Variants in MAK observed in about 807,000 individuals in gnomAD.
The protein encoded by MAK is serine/threonine-protein kinase MAK.
MAK carries 65 observed loss-of-function variants against 82.6 expected under a neutral mutation model. The ratio of observed to expected loss-of-function variants is 0.79; its 90% CI spans 0.64 to 0.97. MAK has a LOEUF of 0.97. MAK is among the 50% of genes least tolerant of loss of function. The probability of loss-of-function intolerance (pLI) is 0.00; values close to 1 mark genes in which losing one functional copy is unlikely to be tolerated. For synonymous variants in MAK, 250 were observed against 274.2 expected, an observed-to-expected ratio of 0.91 and a Z score of 0.87; for missense variants, 703 against 780.2, an observed-to-expected ratio of 0.90 and a Z score of 1.18.
At chr6:10,824,478 C>G (rs1173016770) in intron 2 of MAK, among the ~76,000 whole-genome samples, 1 of 152,116 alleles carries the variant, frequency 6.6e-6, no homozygotes, top group Non-Finnish European at 1.5e-5. Context: ...AGCCTTTCAC[C>G]CACTACACTC....
At chr6:10,824,217 T>C (rs1473709637) in intron 2 of MAK, among the ~76,000 whole-genome samples, 2 of 152,206 alleles carry the variant, frequency 1.3e-5, no homozygotes, top group East Asian at 3.9e-4. Context: ...GGCTTCACAG[T>C]TGCTTAACTC....
rs1178808541 is a variant in MAK, at chr6:10,830,669, G to C, written c.-21C>G. On this transcript the variant is annotated 5_prime_UTR_variant, in exon 2 of 15. Transcript: ENST00000354489. ...TTCATCTTGGAAAAATAATGCAGCA[G>C]AAGTTGTTGATTGAAATGACTTCCT... 3 of 1,569,004 alleles carry C rather than the reference G, an allele frequency of 1.9e-6. No individual in the cohort carries two copies. Among genetic ancestry groups the C allele is most frequent in the Non-Finnish European group, 2.6e-6 (3 of 1,138,970 alleles).
intron 4 of MAK, among the ~76,000 whole-genome samples, chr6:10,814,036 C>A (rs1427826380): frequency 6.6e-6 from 1 of 151,844 alleles, no homozygotes; most frequent in Non-Finnish European, 1.5e-5. Context: ...GTGGCGCAAT[C>A]TCGGCTCACT....
At chr6:10,775,229 T>C in intron 12 of MAK, 99 bp downstream of exon 12, 1 of 1,396,804 alleles carries the variant, frequency 7.2e-7, no homozygotes, top group Non-Finnish European at 1.0e-6. Context: ...ATCTCCCAAG[T>C]GCACATGTAT....
At chr6:10,826,020 A>G (rs908293230) in intron 2 of MAK, among the ~76,000 whole-genome samples, 7 of 152,208 alleles carry the variant, frequency 4.6e-5, no homozygotes, top group African/African-American at 7.2e-5. Flanking sequence ...AATTCTGCTG[A>G]AAATCCTTCA....
Position 10,817,914 on chromosome 6 carries a change from TTTCTC to T in MAK, c.209_213del (p.Arg70LysfsTer2). 7.0e-7 allele frequency: 1 copy of T among 1,424,256 alleles called. No homozygotes were observed. Among genetic ancestry groups the T allele is most frequent in the Non-Finnish European group, 9.8e-7 (1 of 1,024,810 alleles). The allele number at this position is 1,424,256 out of a possible 1,614,324, so 88.2% of individuals were successfully genotyped here. On this transcript the variant is annotated frameshift_variant, in exon 4 of 15. Coordinates refer to ENST00000354489, the MANE Select transcript of MAK (RefSeq NM_001242957.3). LOFTEE classifies it high-confidence loss of function. The stretch of plus-strand genomic sequence containing the variant: ...TCAAATATAAAATAAAGATGGTCAT[TTTCTC>T]TGATAACTTCTTTCAATTTAATAAC...
intron 14 of MAK, among the ~76,000 whole-genome samples, chr6:10,766,933 G>A (rs749042184): frequency 6.6e-6 from 1 of 152,160 alleles, no homozygotes; most frequent in Non-Finnish European, 1.5e-5. Flanking sequence ...TGCTAAGAAG[G>A]GGGTAGTGTT....
In MAK at chr6:10,802,004, T is replaced by C. The variant is rs201114107; in HGVS notation, c.719A>G (p.Gln240Arg). ...LASSMNFRFP[Q>R]CVPINLKTLI... ...AGTTTTTAAGTTTATAGGAACACACTGGGGAAAACGGAAGTTCATAGAGGA... is the reference window on the plus strand; with the variant it reads ...AGTTTTTAAGTTTATAGGAACACACCGGGGAAAACGGAAGTTCATAGAGGA... Residue 240 changes from glutamine (Q) to arginine (R), a missense_variant, in exon 8 of 15, where the codon CAG (glutamine) becomes CGG (arginine). Physicochemically the swap from Gln to Arg is conservative, Grantham distance 43. Coordinates refer to ENST00000354489, the MANE Select transcript of MAK (RefSeq NM_001242957.3). 2 of 1,613,910 alleles carry C rather than the reference T, an allele frequency of 1.2e-6. No individual in the cohort carries two copies. The highest frequency in any genetic ancestry group is 4.5e-5 in the East Asian group (2 of 44,840).
intron 2 of MAK, among the ~76,000 whole-genome samples, chr6:10,820,105 C>CT (rs1777817716): frequency 6.6e-6 from 1 of 151,120 alleles, no homozygotes; most frequent in Admixed American, 6.6e-5. Context: ...GAGTGAGACT[C>CT]TGTCTCAAAA....
chr6:10,819,355 G>A (rs1349900783), intron 2 of MAK, among the ~76,000 whole-genome samples: 1 of 152,146 alleles, frequency 6.6e-6, no homozygotes, highest in Non-Finnish European at 1.5e-5. Context: ...TTCTTGGCCG[G>A]GAACGGTGGC....
At chr6:10,807,649 T>C (rs145104006) in intron 6 of MAK, among the ~76,000 whole-genome samples, 28 of 150,376 alleles carry the variant, frequency 1.9e-4, no homozygotes, top group Non-Finnish European at 3.0e-4. Context: ...CTGATACACA[T>C]ATGTTCTTGT....
intron 14 of MAK, among the ~76,000 whole-genome samples, chr6:10,765,190 T>C (rs1030939826): frequency 7.2e-5 from 11 of 152,166 alleles, no homozygotes; most frequent in African/African-American, 1.4e-4. Context: ...TATTTTACAT[T>C]TAGATAGGCA....
At chr6:10,794,279 A>T (rs1775326149) in intron 9 of MAK, among the ~76,000 whole-genome samples, 4 of 152,162 alleles carry the variant, frequency 2.6e-5, no homozygotes, top group Admixed American at 2.6e-4. Flanking sequence ...GCAATTATTC[A>T]TTCCTTCATT....
intron 11 of MAK, among the ~76,000 whole-genome samples, chr6:10,781,517 G>T (rs752674709): frequency 6.7e-6 from 1 of 149,188 alleles, no homozygotes; most frequent in African/African-American, 2.5e-5. Context: ...TCTGCCTCCT[G>T]GGTTCAAGTG....
chr6:10,780,453 GTTTTT>G (rs34131278), intron 11 of MAK, among the ~76,000 whole-genome samples: 1 of 96,782 alleles, frequency 1.0e-5, no homozygotes. Context: ...AAATGTACTG[GTTTTT>G]TTTTTTTTTT....
chr6:10,772,986 CAA>C (rs1285815108), intron 13 of MAK, 46 bp downstream of exon 13: 3 of 1,238,550 alleles, frequency 2.4e-6, no homozygotes, highest in South Asian at 1.3e-5. Context: ...GAAAATCAGA[CAA>C]GAGATTCAAA....
Position 10,766,130 on chromosome 6 carries a change from C to T in MAK, c.1793-1524G>A, listed in dbSNP as rs933498363. Reference sequence around the variant, plus strand: ...TTTTCCATCTGGGGTTTAAATATCTCTTCACACTGTGTAGTAGCTGCCATT... The same window carrying T: ...TTTTCCATCTGGGGTTTAAATATCTTTTCACACTGTGTAGTAGCTGCCATT... On this transcript the variant is annotated intron_variant, in intron 14 of 14. Coordinates refer to ENST00000354489, the MANE Select transcript of MAK (RefSeq NM_001242957.3). Among the ~76,000 whole-genome samples, 15 of 152,316 alleles carry T rather than the reference C, an allele frequency of 9.8e-5. No individual in the cohort carries two copies. The East Asian group carries it at 2.9e-3, about 29-fold the overall frequency.
In MAK at chr6:10,825,783, T is replaced by G. The variant is rs148747409; in HGVS notation, c.101+4765A>C. Among the ~76,000 whole-genome samples, 178 of 152,282 alleles carry G rather than the reference T, an allele frequency of 1.2e-3. 1 individual carries two copies. Among genetic ancestry groups the G allele is most frequent in the South Asian group, 3.1e-3 (15 of 4,822 alleles). On this transcript the variant is annotated intron_variant, in intron 2 of 14. Transcript: ENST00000354489. Reference sequence around the variant, plus strand: ...CCCAGTCACCAGTTTCTATAGAGCCTGCTTCCTACATGTCCCTTGACTGTA... The same window carrying G: ...CCCAGTCACCAGTTTCTATAGAGCCGGCTTCCTACATGTCCCTTGACTGTA...
At chr6:10,801,455 A>G (rs760653382) in intron 8 of MAK, among the ~76,000 whole-genome samples, 28 of 152,240 alleles carry the variant, frequency 1.8e-4, no homozygotes, top group Non-Finnish European at 2.2e-4. Flanking sequence ...TGCACACTCC[A>G]GTCCCAGCAA....
Sources: allele counts gnomAD v4.1 joint callset (sites outside exome capture counted in the v4.1 genomes callset), GRCh38; gene constraint gnomAD v4.1.1; transcripts MANE v1.5; gene names NCBI Gene and HGNC (gene_info 2026-07-23, HGNC 2026-07-21).